The following MRTFA variants were observed in gnomAD, a reference collection of about 807,000 sequenced individuals.
MRTFA encodes the protein myocardin related transcription factor A.
Under a neutral mutation model 83.5 loss-of-function variants are expected in MRTFA, and 20 were observed. The ratio of observed to expected loss-of-function variants is 0.24; its 90% confidence interval spans 0.17 to 0.35. MRTFA has a LOEUF of 0.35. Ranked by LOEUF, MRTFA falls within the 10% of genes least tolerant of loss-of-function variation. The probability of loss-of-function intolerance (pLI) is 1.00; values close to 1 mark genes in which losing one functional copy is unlikely to be tolerated. For missense variants in MRTFA, 1,200 were observed against 1,224.7 expected (o/e 0.98, Z 0.30); for synonymous variants, 659 against 541.2 (o/e 1.22, Z -3.02).
chr22:40,417,177 G>T, intron 13 of MRTFA, 131 bp from the exon 14 acceptor site: 1 of 1,353,750 alleles, frequency 7.4e-7, no homozygotes, highest in Non-Finnish European at 1.0e-6. Context: ...GGGCGTGCCC[G>T]GACTCCTGGA....
At chr22:40,575,517 A>T (rs1046015140) in intron 2 of MRTFA, among the ~76,000 whole-genome samples, 14 of 152,224 alleles carry the variant, frequency 9.2e-5, no homozygotes, top group African/African-American at 3.4e-4. Flanking sequence ...GTAGCAGTAA[A>T]AAGTGAAATG....
chr22:40,588,632 G>A (rs1482498266), intron 2 of MRTFA, among the ~76,000 whole-genome samples: 1 of 152,184 alleles, frequency 6.6e-6, no homozygotes, highest in Non-Finnish European at 1.5e-5. Context: ...TCAGGTCAGA[G>A]ATGTAACATA....
intron 2 of MRTFA, among the ~76,000 whole-genome samples, chr22:40,581,146 G>A (rs1370402829): frequency 6.6e-6 from 1 of 151,682 alleles, no homozygotes; most frequent in Non-Finnish European, 1.5e-5. Context: ...AATGCTTCCA[G>A]GATGTATCTA....
In MRTFA at chr22:40,420,900, G is replaced by A; in HGVS notation, c.1128C>T (p.Asn376=). 1.2e-6 allele frequency: 2 copies of A among 1,614,210 alleles called. No individual in the cohort carries two copies. The highest frequency in any genetic ancestry group is 1.7e-6 in the Non-Finnish European group (2 of 1,180,024). The change falls in exon 10 of 15, where the codon AAC becomes AAT. Residue 376 remains asparagine (N), a synonymous_variant. Coordinates refer to ENST00000355630, the MANE Select transcript of MRTFA (RefSeq NM_020831.6). Reference sequence around the variant, plus strand: ...AGTTGTGGTGCTGCTGCTGCTGCTGGTTGAGGATCTGCAGCTGGAGGAAGA... The same window carrying A: ...AGTTGTGGTGCTGCTGCTGCTGCTGATTGAGGATCTGCAGCTGGAGGAAGA...
intron 2 of MRTFA, among the ~76,000 whole-genome samples, chr22:40,573,260 T>C (rs2055823259): frequency 6.6e-6 from 1 of 152,212 alleles, no homozygotes; most frequent in Non-Finnish European, 1.5e-5. Context: ...TTTTTTGTTT[T>C]GCTTTGCTTT....
chr22:40,500,339 AT>A (rs1257108200), intron 3 of MRTFA, among the ~76,000 whole-genome samples: 9 of 25,584 alleles, frequency 3.5e-4, no homozygotes, highest in East Asian at 3.0e-3. Flanking sequence ...TACAGTTTTT[AT>A]TTTTTTTATT....
chr22:40,501,004 C>T (rs1476980289), intron 3 of MRTFA, among the ~76,000 whole-genome samples: 5 of 122,236 alleles, frequency 4.1e-5, no homozygotes, highest in Admixed American at 7.7e-5. Flanking sequence ...CCGGACGGGG[C>T]GGCTGGCCGG....
chr22:40,571,176 T>C (rs1032360404), intron 2 of MRTFA, among the ~76,000 whole-genome samples: 8 of 151,222 alleles, frequency 5.3e-5, no homozygotes, highest in Non-Finnish European at 8.8e-5. Context: ...TGCCACTGCA[T>C]AGTATGGGCG....
chr22:40,465,060 T>G (rs2053790674), intron 3 of MRTFA, among the ~76,000 whole-genome samples: 1 of 152,190 alleles, frequency 6.6e-6, no homozygotes, highest in Non-Finnish European at 1.5e-5. Flanking sequence ...TTCCTACCTC[T>G]TTTATTCACT....
intron 2 of MRTFA, among the ~76,000 whole-genome samples, chr22:40,581,435 A>T (rs529605931): frequency 3.3e-5 from 5 of 152,244 alleles, no homozygotes; most frequent in African/African-American, 1.2e-4. Flanking sequence ...ACAGAGCTCA[A>T]TTTACACACC....
chr22:40,617,819 G>C (rs1350218821), intron 1 of MRTFA, among the ~76,000 whole-genome samples: 1 of 151,972 alleles, frequency 6.6e-6, no homozygotes, highest in African/African-American at 2.4e-5. Flanking sequence ...AATGCCACTT[G>C]AGAGGTAAAA....
chr22:40,519,586 T>C (rs1278714361), intron 3 of MRTFA: 9 of 1,341,702 alleles, frequency 6.7e-6, no homozygotes, highest in Non-Finnish European at 8.9e-6. Flanking sequence ...TCACGCTGAT[T>C]TGTTATACCC....
At chr22:40,634,377 G>A (rs999843353) in intron 1 of MRTFA, among the ~76,000 whole-genome samples, 3 of 152,190 alleles carry the variant, frequency 2.0e-5, no homozygotes, top group African/African-American at 7.2e-5. Context: ...ACAGGCGTAA[G>A]CCACTGTGCC....
At chr22:40,474,302 AT>A (rs757521885) in intron 3 of MRTFA, among the ~76,000 whole-genome samples, 1 of 152,230 alleles carries the variant, frequency 6.6e-6, no homozygotes, top group East Asian at 1.9e-4. Context: ...AGAAAAAAGG[AT>A]ATGAGAGAGC....
intron 3 of MRTFA, among the ~76,000 whole-genome samples, chr22:40,541,992 CT>C (rs2055298837): frequency 6.6e-6 from 1 of 150,942 alleles, no homozygotes; most frequent in African/African-American, 2.4e-5. Flanking sequence ...TTTAAGCTCA[CT>C]TTTTAAAGAT....
At chr22:40,459,862 T>TATATATATATATATATATATATAC (rs796103400) in intron 4 of MRTFA, among the ~76,000 whole-genome samples, 11 of 121,492 alleles carry the variant, frequency 9.1e-5, no homozygotes, top group South Asian at 2.7e-4. Flanking sequence ...TATATATATA[T>TATATATATATATATATATATATAC]ACACACATGA....
chr22:40,628,341 G>C (rs1459451326), intron 1 of MRTFA, among the ~76,000 whole-genome samples: 1 of 152,136 alleles, frequency 6.6e-6, no homozygotes, highest in African/African-American at 2.4e-5. Flanking sequence ...ATTTTACTCT[G>C]TCATATTATG....
At chr22:40,617,409 G>C (rs2056464894) in intron 1 of MRTFA, among the ~76,000 whole-genome samples, 1 of 152,180 alleles carries the variant, frequency 6.6e-6, no homozygotes, top group South Asian at 2.1e-4. Flanking sequence ...TAGCAAAAGA[G>C]ACAAAAAATG....
rs374851752 is a variant in MRTFA, at chr22:40,411,883, G to A, written c.2603C>T (p.Pro868Leu). 130 of 1,482,688 alleles carry A rather than the reference G, an allele frequency of 8.8e-5. No homozygotes were observed. Among genetic ancestry groups the A allele is most frequent in the South Asian group, 7.9e-4 (54 of 68,418 alleles). 91.8% of individuals were successfully genotyped at this position (1,482,688 alleles called of 1,614,324 possible). Residue 868 changes from proline to leucine, a missense_variant, in exon 15 of 15, where the codon CCG becomes CTG. Coordinates refer to ENST00000355630, the MANE Select transcript of MRTFA (RefSeq NM_020831.6). ...CTTCTCCTTCCCTGGCAGGGATGGC[G>A]GCTCCTTGAAATCTGCTGAAATTTC...
Sources: gnomAD v4.1 joint callset for allele counts (sites outside exome capture counted in the v4.1 genomes callset) on GRCh38, gnomAD v4.1.1 for gene constraint, MANE v1.5 for transcripts, NCBI Gene and HGNC (gene_info 2026-07-23, HGNC 2026-07-21) for gene names.